PITPNM2: variants seen among roughly 807,000 people sequenced by gnomAD.
PITPNM2 encodes the protein phosphatidylinositol transfer protein membrane associated 2, also known as membrane-associated phosphatidylinositol transfer protein 2.
A neutral mutation model predicts 132.2 loss-of-function variants in PITPNM2; 35 were observed. That is an observed-to-expected ratio of 0.26 (90% CI 0.20 to 0.35). The LOEUF is 0.35. Among genes scored for constraint, PITPNM2 ranks in the 10% least tolerant of loss-of-function variants. The probability of loss-of-function intolerance (pLI) is 1.00; values close to 1 mark genes in which losing one functional copy is unlikely to be tolerated. For synonymous variants in PITPNM2, 738 were observed against 799.2 expected (o/e 0.92, Z 1.29); for missense variants, 1,332 against 1,912.0 (o/e 0.70, Z 5.66).
At chr12:122,997,911 C>T (rs1295004713) in intron 10 of PITPNM2, among the ~76,000 whole-genome samples, 2 of 152,224 alleles carry the variant, frequency 1.3e-5, no homozygotes, top group Non-Finnish European at 2.9e-5. Context: ...CTGCTTCCTT[C>T]AGGGAGCCCG....
At chr12:123,114,844 A>C (rs1170261786) in intron 1 of PITPNM2, among the ~76,000 whole-genome samples, 2 of 152,172 alleles carry the variant, frequency 1.3e-5, no homozygotes. Flanking sequence ...TGCCGCTGTG[A>C]TTACTACCGC....
chr12:123,095,881 C>T lies in PITPNM2; in HGVS notation c.-96+14504G>A, dbSNP rs867901569. On this transcript the variant is annotated intron_variant, in intron 2 of 25. Transcript: ENST00000320201. The surrounding 1 kb of genome is among the most constrained non-coding windows in gnomAD (Gnocchi z 5.0). ...CCTGAGGCTCCCTTCATGGGCTCCA[C>T]GCCCCAGTGGCAGACCCCCCCAACC... is the stretch of plus-strand genomic sequence containing the variant. 6.6e-6 allele frequency among the ~76,000 whole-genome samples: 1 copy of T among 152,256 alleles called. No homozygotes were observed. Among genetic ancestry groups the T allele is most frequent in the East Asian group, 1.9e-4 (1 of 5,196 alleles).
chr12:123,132,947 A>G (rs549449959), intron 1 of PITPNM2, among the ~76,000 whole-genome samples: 1 of 152,208 alleles, frequency 6.6e-6, no homozygotes, highest in African/African-American at 2.4e-5. Context: ...TTATCCACTC[A>G]TCAACTGCTG....
intron 1 of PITPNM2, among the ~76,000 whole-genome samples, chr12:123,137,905 A>AAAG (rs753981120): frequency 6.7e-6 from 1 of 150,086 alleles, no homozygotes; most frequent in African/African-American, 2.5e-5. Context: ...AAAAAAAAAA[A>AAAG]AAGAAGAAGA....
intron 2 of PITPNM2, among the ~76,000 whole-genome samples, chr12:123,098,151 T>C (rs1285236176): frequency 1.3e-5 from 2 of 152,200 alleles, no homozygotes; most frequent in African/African-American, 4.8e-5. Context: ...TTCTTGCACC[T>C]GTACAACGGA....
intron 3 of PITPNM2, among the ~76,000 whole-genome samples, chr12:123,030,463 G>A (rs901927954): frequency 2.6e-5 from 4 of 152,162 alleles, no homozygotes; most frequent in African/African-American, 9.7e-5. Context: ...GGAAGCTGAG[G>A]CGGGCGGATC....
In PITPNM2 at chr12:123,150,543, G is replaced by A. The variant is rs1246164590; in HGVS notation, c.-200+210C>T. Among the ~76,000 whole-genome samples, 1 of 151,878 alleles carries A rather than the reference G, an allele frequency of 6.6e-6. No homozygotes were observed. Among genetic ancestry groups the A allele is most frequent in the Non-Finnish European group, 1.5e-5 (1 of 67,950 alleles). Reference sequence around the variant, plus strand: ...CGACTCACTGAGGCCAGGCTCGGGCGGTCTCCCGAGCGGGGCTCCCGTACG... The same window carrying A: ...CGACTCACTGAGGCCAGGCTCGGGCAGTCTCCCGAGCGGGGCTCCCGTACG... On this transcript the variant is annotated intron_variant, in intron 1 of 25. Transcript: ENST00000320201. This position sits in a 1 kb window ranked among gnomAD's most constrained non-coding sequence, Gnocchi z 6.0.
At chr12:123,140,899 A>G (rs1248510566) in intron 1 of PITPNM2, among the ~76,000 whole-genome samples, 1 of 152,076 alleles carries the variant, frequency 6.6e-6, no homozygotes, top group East Asian at 1.9e-4. Flanking sequence ...GGCCTCTTTG[A>G]AAAGGAAAAG....
At chr12:123,062,040 C>T (rs2041254420) in intron 2 of PITPNM2, among the ~76,000 whole-genome samples, 1 of 152,232 alleles carries the variant, frequency 6.6e-6, no homozygotes, top group Non-Finnish European at 1.5e-5. Context: ...GCCCCTGCTC[C>T]TCCTCCTCCT....
At chr12:123,068,263 C>A (rs371109565) in intron 2 of PITPNM2, among the ~76,000 whole-genome samples, 1 of 151,948 alleles carries the variant, frequency 6.6e-6, no homozygotes, top group Non-Finnish European at 1.5e-5. Flanking sequence ...GTCAGGAGAT[C>A]GAGAACATCC....
chr12:122,988,463 G>T, intron 19 of PITPNM2, 113 bp from the exon 20 acceptor site: 1 of 925,842 alleles, frequency 1.1e-6, no homozygotes, highest in Non-Finnish European at 1.7e-6. Context: ...GTTGTAGGGG[G>T]TGTTCTTCAA....
At chr12:123,024,251 G>A (rs1036630526) in intron 3 of PITPNM2, among the ~76,000 whole-genome samples, 1 of 152,148 alleles carries the variant, frequency 6.6e-6, no homozygotes, top group Admixed American at 6.6e-5. Context: ...ACTCACTGGG[G>A]CGGTTAAAAA....
intron 3 of PITPNM2, among the ~76,000 whole-genome samples, chr12:123,016,861 T>C (rs968331725): frequency 1.3e-5 from 2 of 151,464 alleles, no homozygotes; most frequent in African/African-American, 4.9e-5. Flanking sequence ...CTGGCCAGCA[T>C]GGTGAAACCC....
Position 123,009,656 on chromosome 12 carries a change from T to C in PITPNM2, c.643+194A>G, listed in dbSNP as rs1230051431. ...TCTGCAGATGCTCAGTAAGTATTCA[T>C]GGATGTTCAAGATAACCCATGGCTG... On this transcript the variant is annotated intron_variant, in intron 6 of 25. Coordinates refer to ENST00000320201, the MANE Select transcript of PITPNM2 (RefSeq NM_020845.3). This position sits in a 1 kb window ranked among gnomAD's most constrained non-coding sequence, Gnocchi z 4.8. 6.6e-6 allele frequency among the ~76,000 whole-genome samples: 1 copy of C among 152,232 alleles called. No homozygotes were observed. The highest frequency in any genetic ancestry group is 2.4e-5 in the African/African-American group (1 of 41,448).
intron 1 of PITPNM2, among the ~76,000 whole-genome samples, chr12:123,120,715 A>G (rs1170846074): frequency 6.6e-6 from 1 of 152,220 alleles, no homozygotes; most frequent in Admixed American, 6.5e-5. Flanking sequence ...CAGAGGCCAC[A>G]CAATACCTCT....
At chr12:123,069,233 T>C (rs370577267) in intron 2 of PITPNM2, among the ~76,000 whole-genome samples, 1 of 147,250 alleles carries the variant, frequency 6.8e-6, no homozygotes, top group East Asian at 2.0e-4. Flanking sequence ...GACAACAGAG[T>C]AAGACCTACT....
chr12:122,990,183 C>T (rs1028627109), intron 17 of PITPNM2, among the ~76,000 whole-genome samples: 8 of 152,248 alleles, frequency 5.3e-5, no homozygotes, highest in Admixed American at 3.9e-4. Context: ...GGGGCGCAGC[C>T]CCTGGCGGGG....
rs143141521 is a variant in PITPNM2 at position 122,988,858 on chromosome 12, A to C, written c.2746T>G (p.Trp916Gly). 5 of 1,568,122 alleles carry C rather than the reference A, an allele frequency of 3.2e-6. No homozygotes were observed. Among genetic ancestry groups the C allele is most frequent in the Non-Finnish European group, 4.3e-6 (5 of 1,156,140 alleles). Residue 916 changes from tryptophan to glycine, a missense_variant, in exon 19 of 26, where the codon TGG (tryptophan) becomes GGG (glycine). Around this residue, in one of 6 missense-constraint regions of PITPNM2, gnomAD observed 710 missense variants for 911.5 expected, o/e 0.78. Coordinates refer to ENST00000320201, the MANE Select transcript of PITPNM2 (RefSeq NM_020845.3). ...LDIGEVAAKW[W>G]GQKRIDYALY... is the part of the protein sequence containing the mutation. ...GCGTAGTCGATCCGCTTCTGGCCCCACCACTTTGCAGCGACTGCCAGGAGG... is the reference window on the plus strand; with the variant it reads ...GCGTAGTCGATCCGCTTCTGGCCCCCCCACTTTGCAGCGACTGCCAGGAGG...
intron 3 of PITPNM2, among the ~76,000 whole-genome samples, chr12:123,033,051 A>G (rs2040148688): frequency 6.6e-6 from 1 of 152,206 alleles, no homozygotes; most frequent in African/African-American, 2.4e-5. Context: ...GTGGGAGCCC[A>G]ATAGGCGAAG....
Sources: allele counts gnomAD v4.1 joint callset (sites outside exome capture counted in the v4.1 genomes callset), GRCh38; gene constraint gnomAD v4.1.1; regional missense constraint gnomAD v4.1.1; non-coding constraint Gnocchi (gnomAD v3.1); transcripts MANE v1.5; gene names NCBI Gene and HGNC (gene_info 2026-07-23, HGNC 2026-07-21).